Variants in YBEY observed in about 807,000 individuals in gnomAD.
YBEY encodes the protein ybeY metalloendoribonuclease, also known as endoribonuclease YbeY.
YBEY carries 15 observed loss-of-function variants against 13.5 expected under a neutral mutation model. That is an observed-to-expected ratio of 1.11 (90% confidence interval 0.75 to 1.72). YBEY has a LOEUF of 1.72. Among genes scored for constraint, YBEY ranks in the 40% most tolerant of loss-of-function variants. The pLI is 0.00. For synonymous variants in YBEY, 101 were observed against 83.1 expected (o/e 1.21, Z -1.17); for missense variants, 244 against 208.4 (o/e 1.17, Z -1.05).
At chr21:46,308,621 C>G in the YBEY span, among the ~76,000 whole-genome samples, 12 of 152,138 alleles carry the variant, frequency 7.9e-5, no homozygotes, top group Admixed American at 2.0e-4. Context: ...ATGTTCATTA[C>G]TGTGGTTGGA....
rs1370721243 is a variant in YBEY, at chr21:46,291,500, G to A, written c.339+38G>A. ...GCTGAAATCATATAACCTGGCTCATGGAACATGGGCCTTGCAAAGGGGTCA... is the reference window on the plus strand; with the variant it reads ...GCTGAAATCATATAACCTGGCTCATAGAACATGGGCCTTGCAAAGGGGTCA... On this transcript the variant is annotated intron_variant, in intron 3 of 4. Transcript: ENST00000397701. The A allele has an allele frequency of 3.7e-6, 6 of 1,610,884 alleles. No individual in the cohort carries two copies. In the South Asian group the frequency reaches 6.6e-5, roughly 18 times the overall value.
Position 46,290,617 on chromosome 21 carries a change from G to A in YBEY, c.211-717G>A, listed in dbSNP as rs558036762. The stretch of plus-strand genomic sequence containing the variant: ...CTGGCCTGAGACATGCATCTTAAGA[G>A]TGATTTGGGTGGCTGGCACAGTGGC... On this transcript the variant is annotated intron_variant, in intron 2 of 4. Transcript: ENST00000397701. Among the ~76,000 whole-genome samples the A allele has an allele frequency of 1.8e-4, 27 of 152,274 alleles. No individual in the cohort carries two copies. The East Asian group carries it at 5.0e-3, about 28-fold the overall frequency.
chr21:46,298,718 C>T (rs908251325), downstream of YBEY, among the ~76,000 whole-genome samples: 16 of 149,576 alleles, frequency 1.1e-4, no homozygotes, highest in Non-Finnish European at 5.9e-5. Context: ...CGTGAGCCAC[C>T]ACGCCCGGCC....
chr21:46,289,053 G>A (rs1192196818), intron 2 of YBEY, among the ~76,000 whole-genome samples: 2 of 152,164 alleles, frequency 1.3e-5, no homozygotes, highest in Non-Finnish European at 2.9e-5. Context: ...TCTGTAATAG[G>A]AAAATAAGAG....
Position 46,297,391 on chromosome 21 carries a change from C to T in YBEY, c.409-148C>T, listed in dbSNP as rs532827914. The T allele has an allele frequency of 1.2e-3, 595 of 491,082 alleles. 15 individuals are homozygous for T. In the South Asian group the frequency reaches 0.067, roughly 55 times the overall value. The allele number at this position is 491,082 out of a possible 1,614,324, so 30.4% of individuals were successfully genotyped here. A position where few individuals can be genotyped will look rare whatever the true frequency, so the allele number is the denominator to read the frequency against. On this transcript the variant is annotated intron_variant, in intron 4 of 4. Transcript: ENST00000397701. ...CAGGTTCTGGTGAAGGTGCCCGGAGCCGGGTCCCGCCTTCGGCCTGAGCTA... is the reference window on the plus strand; with the variant it reads ...CAGGTTCTGGTGAAGGTGCCCGGAGTCGGGTCCCGCCTTCGGCCTGAGCTA...
downstream of YBEY, chr21:46,301,788 C>T (rs968228757): frequency 6.5e-6 from 8 of 1,239,732 alleles, no homozygotes; most frequent in African/African-American, 4.7e-5. Flanking sequence ...GCAGGGGACC[C>T]GGAGCAAGGG....
intron 2 of YBEY, among the ~76,000 whole-genome samples, chr21:46,291,081 C>T (rs2081684077): frequency 6.6e-6 from 1 of 150,720 alleles, no homozygotes; most frequent in African/African-American, 2.4e-5. Flanking sequence ...CCTGTAATCC[C>T]AGCTACTCAG....
At chr21:46,298,251 ACTGACTTGCGTCCTGTCTTAGC>A (rs2082014127), downstream of YBEY, among the ~76,000 whole-genome samples, 1 of 316 alleles carries the variant, frequency 3.2e-3, no homozygotes, top group South Asian at 0.17. Flanking sequence ...ATGCCTTCCC[ACTGACTTGCGTCCTGTCTTAGC>A]CTGGACTTGT....
intron 3 of YBEY, chr21:46,291,836 A>G (rs1457788694): frequency 3.7e-6 from 4 of 1,070,522 alleles, no homozygotes; most frequent in Non-Finnish European, 4.5e-6. Flanking sequence ...CCTCAGTGTA[A>G]TCCACCTATG....
At chr21:46,297,900 G>C (rs532937636), downstream of YBEY, 559 of 710,994 alleles carry the variant, frequency 7.9e-4, 14 homozygotes, top group South Asian at 0.035. Flanking sequence ...TCCCTGCCCG[G>C]AGCCTGCGCC....
intron 2 of YBEY, among the ~76,000 whole-genome samples, chr21:46,288,015 GA>G (rs11454317): frequency 2.7e-5 from 4 of 147,948 alleles, no homozygotes; most frequent in Admixed American, 6.7e-5. Flanking sequence ...TCTGTCTCAG[GA>G]AAAAAAAAAG....
the YBEY span, chr21:46,311,661 A>C: frequency 7.1e-6 from 4 of 564,908 alleles, no homozygotes; most frequent in South Asian, 3.1e-5. Context: ...CCATCCAACC[A>C]ACCAACCAAC....
the YBEY span, among the ~76,000 whole-genome samples, chr21:46,308,645 T>C: frequency 1.3e-5 from 2 of 151,820 alleles, no homozygotes; most frequent in Non-Finnish European, 2.9e-5. Context: ...TAATCCTCAA[T>C]GTGGCAGTAT....
At chr21:46,312,956 T>C in the YBEY span, 2 of 980,560 alleles carry the variant, frequency 2.0e-6, no homozygotes, top group Non-Finnish European at 2.4e-6. Context: ...AAATAAATTA[T>C]AGCCAAATAT....
downstream of YBEY, chr21:46,300,820 T>C (rs2082083085): frequency 1.6e-6 from 2 of 1,267,532 alleles, no homozygotes; most frequent in Non-Finnish European, 2.1e-6. Context: ...TGAAAGTTTA[T>C]GTATACTACT....
Position 46,286,948 on chromosome 21 carries a change from T to C in YBEY, c.35T>C (p.Ile12Thr). ...SLVIRNLQRVIPIRRAPLRSK... is the reference protein window; with the variant it reads ...SLVIRNLQRVTPIRRAPLRSK... Reference sequence around the variant, plus strand: ...GTGATTAGAAATCTGCAGCGAGTCATCCCCATCAGGAGAGCGCCACTTCGC... The same window carrying C: ...GTGATTAGAAATCTGCAGCGAGTCACCCCCATCAGGAGAGCGCCACTTCGC... Residue 12 changes from isoleucine (I) to threonine (T), a missense_variant, in exon 2 of 5, where the codon ATC (isoleucine) becomes ACC (threonine). Physicochemically the swap from Ile to Thr is moderately conservative, Grantham distance 89 (BLOSUM62 -1). Transcript: ENST00000397701. 1.2e-6 allele frequency: 2 copies of C among 1,614,004 alleles called. No homozygotes were observed. Among genetic ancestry groups the C allele is most frequent in the Non-Finnish European group, 1.7e-6 (2 of 1,179,982 alleles).
intron 1 of YBEY, 43 bp downstream of exon 1, chr21:46,286,458 C>G (rs1184425281): frequency 6.2e-6 from 1 of 161,304 alleles, no homozygotes; most frequent in Non-Finnish European, 1.4e-5. Context: ...GAGAGCGTCG[C>G]ATTCACCCGC....
chr21:46,297,827 AG>A, downstream of YBEY: 2 of 1,189,828 alleles, frequency 1.7e-6, no homozygotes, highest in Non-Finnish European at 2.1e-6. Context: ...TCTGGAGTTC[AG>A]GGAACGCGTG....
chr21:46,287,762 G>C (rs1452713623), intron 2 of YBEY, among the ~76,000 whole-genome samples: 3 of 152,008 alleles, frequency 2.0e-5, no homozygotes, highest in East Asian at 1.9e-4. Flanking sequence ...AGCCCGAGGC[G>C]GGTGGTTCAC....
Sources: allele counts gnomAD v4.1 joint callset (sites outside exome capture counted in the v4.1 genomes callset), GRCh38; gene constraint gnomAD v4.1.1; transcripts MANE v1.5; gene names NCBI Gene and HGNC (gene_info 2026-07-23, HGNC 2026-07-21).